The following WWOX variants were observed in gnomAD, a reference collection of about 807,000 sequenced individuals.
WWOX encodes the protein WW domain containing oxidoreductase.
In WWOX, 69 loss-of-function variants were observed where a neutral mutation model predicts 46.2. The ratio of observed to expected loss-of-function variants is 1.49; its 90% CI spans 1.23 to 1.82. WWOX has a LOEUF of 1.82. Among genes scored for constraint, WWOX ranks in the 40% most tolerant of loss-of-function variants. WWOX has a pLI of 0.00. For synonymous variants in WWOX, 359 were observed against 202.6 expected, an observed-to-expected ratio of 1.77 and a Z score of -6.56; for missense variants, 919 against 542.6, an observed-to-expected ratio of 1.69 and a Z score of -6.89.
intron 8 of WWOX, among the ~76,000 whole-genome samples, chr16:78,448,254 G>A (rs1036665376): frequency 6.6e-6 from 1 of 152,044 alleles, no homozygotes; most frequent in Non-Finnish European, 1.5e-5. Context: ...TGCATAACGG[G>A]GGAGTAAAAT....
At chr16:78,309,329 C>G (rs1284973920) in intron 5 of WWOX, among the ~76,000 whole-genome samples, 1 of 152,150 alleles carries the variant, frequency 6.6e-6, no homozygotes, top group Non-Finnish European at 1.5e-5. Flanking sequence ...CCACTCTGCC[C>G]TGATTATAAG....
At chr16:78,600,637 A>T (rs971940622) in intron 8 of WWOX, among the ~76,000 whole-genome samples, 12 of 152,086 alleles carry the variant, frequency 7.9e-5, no homozygotes, top group African/African-American at 2.9e-4. Context: ...GGCATGACTG[A>T]GACTATAATC....
chr16:78,825,672 G>A, intron 8 of WWOX: 2 of 530,588 alleles, frequency 3.8e-6, no homozygotes, highest in East Asian at 8.8e-5. Context: ...GGGGGCCATA[G>A]GCTGCCAAGC....
intron 5 of WWOX, among the ~76,000 whole-genome samples, chr16:78,385,181 G>A (rs541575622): frequency 1.7e-5 from 2 of 115,528 alleles, no homozygotes; most frequent in Admixed American, 8.1e-5. Flanking sequence ...GGCTTTGTTA[G>A]CAGGCATGAC....
At chr16:79,198,493 A>G (rs1677388679) in intron 8 of WWOX, among the ~76,000 whole-genome samples, 2 of 152,172 alleles carry the variant, frequency 1.3e-5, no homozygotes, top group African/African-American at 4.8e-5. Context: ...CCTGGCCTCC[A>G]CTGCAGTTTT....
chr16:79,050,742 G>C (rs1429363192), intron 8 of WWOX, among the ~76,000 whole-genome samples: 1 of 152,206 alleles, frequency 6.6e-6, no homozygotes, highest in African/African-American at 2.4e-5. Context: ...GGGGGAAGGA[G>C]GTAAGAGAGG....
chr16:78,529,469 G>GA (rs2043566011), intron 8 of WWOX, among the ~76,000 whole-genome samples: 1 of 151,400 alleles, frequency 6.6e-6, no homozygotes, highest in Non-Finnish European at 1.5e-5. Flanking sequence ...AATGTTTTTC[G>GA]TTTTTTTTAT....
At chr16:78,136,959 C>G (rs1403317389) in intron 4 of WWOX, among the ~76,000 whole-genome samples, 1 of 152,152 alleles carries the variant, frequency 6.6e-6, no homozygotes, top group Non-Finnish European at 1.5e-5. Context: ...TGCAGGAGAG[C>G]AGGGTGTGTG....
rs1382936185 is a variant in WWOX, at chr16:78,337,914, T to C, written c.517-48946T>C. Among the ~76,000 whole-genome samples, 3 of 114,872 alleles carry C rather than the reference T, an allele frequency of 2.6e-5. 1 individual carries two copies. The highest frequency in any genetic ancestry group is 6.3e-5 in the Non-Finnish European group (3 of 47,730). 75.4% of individuals were successfully genotyped at this position (114,872 alleles called of 152,430 possible). ...CCCTCTCTGTTCCTGGCAGTGCCTGTCCTGCTAACCTCGTGTCTCTTGCTG... is the reference window on the plus strand; with the variant it reads ...CCCTCTCTGTTCCTGGCAGTGCCTGCCCTGCTAACCTCGTGTCTCTTGCTG... On this transcript the variant is annotated intron_variant, in intron 5 of 8. Transcript: ENST00000566780.
chr16:78,505,762 C>A (rs1356397946), intron 8 of WWOX, among the ~76,000 whole-genome samples: 2 of 152,106 alleles, frequency 1.3e-5, no homozygotes, highest in Admixed American at 6.5e-5. Context: ...AAGCATTTGG[C>A]CAGGAAGAGG....
chr16:79,197,060 G>A (rs1056607009), intron 8 of WWOX, among the ~76,000 whole-genome samples: 3 of 152,188 alleles, frequency 2.0e-5, no homozygotes, highest in Non-Finnish European at 4.4e-5. Context: ...CCAGTAGGAA[G>A]TATAGTTACC....
At chr16:79,030,852 G>A (rs1321072171) in intron 8 of WWOX, among the ~76,000 whole-genome samples, 1 of 152,146 alleles carries the variant, frequency 6.6e-6, no homozygotes, top group Admixed American at 6.5e-5. Context: ...GGAGGCTGAG[G>A]CAGGAGGATC....
intron 8 of WWOX, among the ~76,000 whole-genome samples, chr16:78,955,745 T>A (rs2046152882): frequency 6.6e-6 from 1 of 151,664 alleles, no homozygotes; most frequent in African/African-American, 2.4e-5. Flanking sequence ...CCTCCTAAAC[T>A]CAAGCAGTTC....
At chr16:78,540,915 G>A (rs2151526918) in intron 8 of WWOX, among the ~76,000 whole-genome samples, 1 of 152,190 alleles carries the variant, frequency 6.6e-6, no homozygotes, top group African/African-American at 2.4e-5. Flanking sequence ...AGAACTCCTG[G>A]CTTCAAGTGA....
intron 8 of WWOX, among the ~76,000 whole-genome samples, chr16:78,539,328 C>T (rs1024348343): frequency 7.9e-5 from 12 of 152,164 alleles, no homozygotes; most frequent in Non-Finnish European, 1.2e-4. Context: ...TGAAATAACT[C>T]GCAAAAATAT....
intron 8 of WWOX, among the ~76,000 whole-genome samples, chr16:78,634,349 C>T (rs188618270): frequency 2.1e-3 from 319 of 152,266 alleles, no homozygotes; most frequent in Non-Finnish European, 3.8e-3. Flanking sequence ...TTATCTCTTT[C>T]ACTTATTCCC....
intron 8 of WWOX, among the ~76,000 whole-genome samples, chr16:79,132,127 A>AACACACAC (rs141785224): frequency 2.2e-3 from 310 of 141,584 alleles, no homozygotes; most frequent in East Asian, 3.5e-3. Flanking sequence ...CACTTGCAGA[A>AACACACAC]ACACACACAC....
intron 8 of WWOX, among the ~76,000 whole-genome samples, chr16:79,087,242 C>G (rs1032291909): frequency 6.6e-6 from 1 of 152,250 alleles, no homozygotes; most frequent in Non-Finnish European, 1.5e-5. Flanking sequence ...ATCAGTGCCT[C>G]TCTTCCCCAG....
At chr16:79,026,042 C>A (rs2047634180) in intron 8 of WWOX, among the ~76,000 whole-genome samples, 1 of 151,566 alleles carries the variant, frequency 6.6e-6, no homozygotes, top group African/African-American at 2.4e-5. Flanking sequence ...CCCAGGCGAT[C>A]TGCCTGTCTT....
Sources: allele counts gnomAD v4.1 joint callset (sites outside exome capture counted in the v4.1 genomes callset), GRCh38; gene constraint gnomAD v4.1.1; transcripts MANE v1.5; gene names NCBI Gene and HGNC (gene_info 2026-07-23, HGNC 2026-07-21).